Variants in TMCC1 observed in about 807,000 individuals in gnomAD.
TMCC1 encodes transmembrane and coiled-coil domain family 1, also known as transmembrane and coiled-coil domains protein 1.
TMCC1 carries 15 observed loss-of-function variants against 52.4 expected under a neutral mutation model. That is an observed-to-expected ratio of 0.29 (90% CI 0.19 to 0.44). TMCC1 has a LOEUF of 0.44. Ranked by LOEUF, TMCC1 falls within the 20% of genes least tolerant of loss-of-function variation. The pLI is 1.00. For synonymous variants in TMCC1, 279 were observed against 301.9 expected (o/e 0.92, Z 0.79); for missense variants, 503 against 806.0 (o/e 0.62, Z 4.55).
intron 2 of TMCC1, among the ~76,000 whole-genome samples, chr3:129,870,363 A>G (rs1395045116): frequency 1.3e-5 from 2 of 152,162 alleles, no homozygotes; most frequent in African/African-American, 4.8e-5. Flanking sequence ...ACAACTTCTG[A>G]ATATATTTGG....
chr3:129,685,254 T>A (rs1307926750), intron 4 of TMCC1, among the ~76,000 whole-genome samples: 1 of 151,556 alleles, frequency 6.6e-6, no homozygotes, highest in Non-Finnish European at 1.5e-5. Flanking sequence ...GTGGGGTGAG[T>A]CTGTAGTCCC....
At chr3:129,885,935 G>T (rs1048787801) in intron 1 of TMCC1, among the ~76,000 whole-genome samples, 2 of 152,156 alleles carry the variant, frequency 1.3e-5, no homozygotes, top group Admixed American at 6.5e-5. Flanking sequence ...TAGAGACAGG[G>T]TTTCACCATG....
At chr3:129,729,475 T>G (rs1240799881) in intron 4 of TMCC1, among the ~76,000 whole-genome samples, 1 of 152,192 alleles carries the variant, frequency 6.6e-6, no homozygotes, top group East Asian at 1.9e-4. Context: ...TATTGAGCTT[T>G]GACAATTTTT....
intron 4 of TMCC1, among the ~76,000 whole-genome samples, chr3:129,778,674 T>TG (rs11372839): frequency 0.38 from 53,100 of 138,492 alleles, 12,428 homozygotes; most frequent in African/African-American, 0.67. Context: ...TAGATCATGG[T>TG]GGGGGGGGGG....
chr3:129,754,472 C>G (rs1237037138), intron 4 of TMCC1, among the ~76,000 whole-genome samples: 2 of 152,092 alleles, frequency 1.3e-5, no homozygotes, highest in Non-Finnish European at 2.9e-5. Flanking sequence ...TTAAGACTTA[C>G]TACAACAATC....
At chr3:129,875,071 AC>A (rs1278454250) in intron 2 of TMCC1, among the ~76,000 whole-genome samples, 4 of 151,944 alleles carry the variant, frequency 2.6e-5, no homozygotes, top group Admixed American at 2.0e-4. Context: ...GATGACCAAT[AC>A]CAGAAGCAGG....
chr3:129,669,659 G>A (rs1020148889), intron 5 of TMCC1, among the ~76,000 whole-genome samples: 9 of 152,132 alleles, frequency 5.9e-5, no homozygotes, highest in Admixed American at 1.3e-4. Flanking sequence ...TTCTCTCTGC[G>A]TGTGAAGGTA....
At chr3:129,653,249 C>T (rs935384857) in intron 6 of TMCC1, among the ~76,000 whole-genome samples, 5 of 152,194 alleles carry the variant, frequency 3.3e-5, no homozygotes, top group Admixed American at 1.3e-4. Flanking sequence ...TCCACTATAA[C>T]AATGATGCAG....
intron 4 of TMCC1, among the ~76,000 whole-genome samples, chr3:129,781,481 C>G (rs751749154): frequency 1.3e-5 from 2 of 152,136 alleles, no homozygotes; most frequent in African/African-American, 2.4e-5. Context: ...CCTCTTTCAG[C>G]TCTCAGAACG....
intron 2 of TMCC1, among the ~76,000 whole-genome samples, chr3:129,877,288 G>GT (rs2061260163): frequency 6.6e-6 from 1 of 152,142 alleles, no homozygotes; most frequent in African/African-American, 2.4e-5. Context: ...CTCAATTGTA[G>GT]TATTTGACAC....
intron 4 of TMCC1, among the ~76,000 whole-genome samples, chr3:129,812,055 G>C (rs1160457036): frequency 1.3e-5 from 2 of 148,798 alleles, no homozygotes; most frequent in African/African-American, 4.9e-5. Context: ...TTAACAATGA[G>C]AAATGGCTGG....
At chr3:129,788,013 C>CT (rs2056162980) in intron 4 of TMCC1, among the ~76,000 whole-genome samples, 1 of 152,140 alleles carries the variant, frequency 6.6e-6, no homozygotes, top group South Asian at 2.1e-4. Context: ...GCAAGTCTCC[C>CT]TCCTATCCAC....
chr3:129,733,992 T>G (rs2050742962), intron 4 of TMCC1, among the ~76,000 whole-genome samples: 1 of 152,156 alleles, frequency 6.6e-6, no homozygotes, highest in Admixed American at 6.6e-5. Flanking sequence ...GGATAGCAAT[T>G]TAGCAATATC....
At chr3:129,838,415 T>TAAAAGAAAAAGAAA (rs1022713022) in intron 2 of TMCC1, among the ~76,000 whole-genome samples, 1 of 146,704 alleles carries the variant, frequency 6.8e-6, no homozygotes, top group Admixed American at 6.8e-5. Context: ...TCTCAAAAAA[T>TAAAAGAAAAAGAAA]AAAAGAAAAA....
At chr3:129,691,316 A>G (rs2047014625) in intron 4 of TMCC1, among the ~76,000 whole-genome samples, 2 of 152,166 alleles carry the variant, frequency 1.3e-5, no homozygotes, top group Admixed American at 1.3e-4. Context: ...AGGAAGGCTG[A>G]GGTGGGCAGA....
chr3:129,742,288 A>C (rs1305169386), intron 4 of TMCC1, among the ~76,000 whole-genome samples: 5 of 152,208 alleles, frequency 3.3e-5, no homozygotes, highest in Admixed American at 6.5e-5. Flanking sequence ...GTGAAAAGAT[A>C]AAAACCACAG....
At chr3:129,841,384 C>T (rs566317007) in intron 2 of TMCC1, among the ~76,000 whole-genome samples, 1 of 152,244 alleles carries the variant, frequency 6.6e-6, no homozygotes, top group South Asian at 2.1e-4. Flanking sequence ...GTCAGAAGTT[C>T]GAGACCAATC....
intron 5 of TMCC1, among the ~76,000 whole-genome samples, chr3:129,668,869 C>CCCA (rs2087685404): frequency 6.6e-6 from 1 of 152,230 alleles, no homozygotes; most frequent in South Asian, 2.1e-4. Context: ...GGGTGGTCCA[C>CCCA]CCACCTCAGC....
At chr3:129,836,189 T>C (rs951047783) in intron 2 of TMCC1, among the ~76,000 whole-genome samples, 1 of 152,084 alleles carries the variant, frequency 6.6e-6, no homozygotes, top group African/African-American at 2.4e-5. Flanking sequence ...TGTAATAACA[T>C]AGCCTCCAAA....
Sources: allele counts gnomAD v4.1 joint callset (sites outside exome capture counted in the v4.1 genomes callset), GRCh38; gene constraint gnomAD v4.1.1; transcripts MANE v1.5; gene names NCBI Gene and HGNC (gene_info 2026-07-23, HGNC 2026-07-21).